CFAP91: variants seen among roughly 807,000 people sequenced by gnomAD.
CFAP91 encodes the protein cilia- and flagella-associated protein 91.
In CFAP91, 85 loss-of-function variants were observed where a neutral mutation model predicts 95.9. The observed-to-expected ratio is 0.89, with a 90% CI of 0.74 to 1.06. The LOEUF (loss-of-function observed/expected upper bound fraction) is 1.06, where lower values mean the gene tolerates loss of function less well. CFAP91 is among the 50% of genes least tolerant of loss of function. The pLI, the probability that CFAP91 is intolerant of heterozygous loss-of-function variation, is 0.00. For missense variants in CFAP91, 962 were observed against 943.4 expected (o/e 1.02, Z -0.26); for synonymous variants, 335 against 327.5 (o/e 1.02, Z -0.25).
intron 5 of CFAP91, 53 bp downstream of exon 5, chr3:119,709,948 C>T: frequency 7.3e-7 from 1 of 1,368,338 alleles, no homozygotes; most frequent in Non-Finnish European, 1.0e-6. Context: ...TGTTTGCTTC[C>T]ATATTTTTTC....
rs550038430 is a variant in CFAP91 at position 119,731,724 on chromosome 3, T to G, written c.1019-570T>G. 2.2e-4 allele frequency among the ~76,000 whole-genome samples: 34 copies of G among 152,268 alleles called. No individual in the cohort carries two copies. In the South Asian group the frequency reaches 5.4e-3, roughly 24 times the overall value. ...CCGCCAAAAGGTCTTGGGTCTGTGA[T>G]GGGATTTGAGAGAAAAGGAGCACAG... On this transcript the variant is annotated intron_variant, in intron 8 of 17. Coordinates refer to ENST00000273390, the MANE Select transcript of CFAP91 (RefSeq NM_033364.4).
chr3:119,746,487 C>T (rs894091971), intron 14 of CFAP91, among the ~76,000 whole-genome samples: 3 of 152,182 alleles, frequency 2.0e-5, no homozygotes, highest in African/African-American at 4.8e-5. Context: ...GCTCCTAGGT[C>T]GTAGGCCTTC....
rs556125660 is a variant in CFAP91 at position 119,738,332 on chromosome 3, C to CTTTTTTTTTTTTTTTTTTTTTTTTTTTTT, written c.1461+856_1461+884dup. 1.3e-3 allele frequency among the ~76,000 whole-genome samples: 30 copies of CTTTTTTTTTTTTTTTTTTTTTTTTTTTTT among 23,074 alleles called. 13 individuals are homozygous for CTTTTTTTTTTTTTTTTTTTTTTTTTTTTT. The highest frequency in any genetic ancestry group is 2.6e-3 in the Admixed American group (3 of 1,176). 15.1% of individuals were successfully genotyped at this position (23,074 alleles called of 152,430 possible). ...TGCAGGGCTTTGGTTGACATATTGT[C>CTTTTTTTTTTTTTTTTTTTTTTTTTTTTT]TTTTTTTTTTTTTTTTTTTTTTTTT... On this transcript the variant is annotated intron_variant, in intron 11 of 17. Coordinates refer to ENST00000273390, the MANE Select transcript of CFAP91 (RefSeq NM_033364.4).
intron 17 of CFAP91, among the ~76,000 whole-genome samples, chr3:119,762,437 T>C (rs1426671096): frequency 6.6e-5 from 10 of 152,078 alleles, no homozygotes; most frequent in Non-Finnish European, 1.2e-4. Context: ...TTCAATGCAA[T>C]CTCTATCAAA....
At chr3:119,704,347 T>C (rs2053319598) in intron 1 of CFAP91, among the ~76,000 whole-genome samples, 2 of 152,216 alleles carry the variant, frequency 1.3e-5, no homozygotes, top group South Asian at 4.1e-4. Flanking sequence ...AATAAAAGTT[T>C]GGATTGTTAT....
Position 119,751,063 on chromosome 3 carries a change from T to C in CFAP91, c.2270T>C (p.Leu757Pro). The C allele has an allele frequency of 6.2e-7, 1 of 1,609,158 alleles. No homozygotes were observed. Among genetic ancestry groups the C allele is most frequent in the Non-Finnish European group, 8.5e-7 (1 of 1,178,456 alleles). ...GAGGCCTCAAATGCTGCCATGTTAC[T>C]TGAGAAAGAAACTCAAAATGAGAAC... Reference protein sequence around the residue: ...QDEASNAAMLLEKETQNENNS With the variant: ...QDEASNAAMLPEKETQNENNS The change falls in exon 17 of 18, where the codon CTT (leucine) becomes CCT (proline). Residue 757 changes from leucine (L) to proline (P), a missense_variant. Coordinates refer to ENST00000273390, the MANE Select transcript of CFAP91 (RefSeq NM_033364.4).
rs774908018 is a variant in CFAP91 at position 119,740,667 on chromosome 3, A to T, written c.1652A>T (p.Gln551Leu). Reference sequence around the variant, plus strand: ...GAGAAGCAAGTGACCCTGGCCTTACAGCGGCAGAGGAACTTGCATGAGCAC... The same window carrying T: ...GAGAAGCAAGTGACCCTGGCCTTACTGCGGCAGAGGAACTTGCATGAGCAC... ...KAEKQVTLAL[Q>L]RQRNLHEHKV... is the part of the protein sequence containing the mutation. Residue 551 changes from glutamine to leucine, a missense_variant, in exon 13 of 18, where the codon CAG becomes CTG. Gln to Leu is a moderately radical substitution (Grantham distance 113). Transcript: ENST00000273390. 1 of 1,614,224 alleles carries T rather than the reference A, an allele frequency of 6.2e-7. No individual in the cohort carries two copies. Among genetic ancestry groups the T allele is most frequent in the Non-Finnish European group, 8.5e-7 (1 of 1,180,020 alleles).
chr3:119,703,551 A>G (rs2053300269), intron 1 of CFAP91, among the ~76,000 whole-genome samples: 1 of 152,236 alleles, frequency 6.6e-6, no homozygotes, highest in Admixed American at 6.5e-5. Flanking sequence ...GTTCCTGCAT[A>G]AAATGCCCTA....
Position 119,738,751 on chromosome 3 carries a change from T to A in CFAP91, c.1462-504T>A, listed in dbSNP as rs555545635. ...AATTCGATTTCCAGACCCTGCTTTT[T>A]CTGCTTTGGACACAGAGTTTTTAAG... is the stretch of plus-strand genomic sequence containing the variant. On this transcript the variant is annotated intron_variant, in intron 11 of 17. Transcript: ENST00000273390. Among the ~76,000 whole-genome samples, 16 of 152,318 alleles carry A rather than the reference T, an allele frequency of 1.1e-4. No individual in the cohort carries two copies. In the East Asian group the frequency reaches 3.1e-3, roughly 29 times the overall value.
intron 17 of CFAP91, among the ~76,000 whole-genome samples, chr3:119,751,619 A>G (rs1220230179): frequency 6.6e-6 from 1 of 152,222 alleles, no homozygotes; most frequent in Non-Finnish European, 1.5e-5. Flanking sequence ...AGAAAAATAT[A>G]AGACAGGAAA....
chr3:119,716,828 G>C (rs1387830095), intron 6 of CFAP91, among the ~76,000 whole-genome samples: 1 of 152,080 alleles, frequency 6.6e-6, no homozygotes, highest in African/African-American at 2.4e-5. Context: ...CTGACCTCGT[G>C]ATCTGCCCAC....
intron 1 of CFAP91, chr3:119,706,054 C>G (rs1370806184): frequency 6.6e-6 from 1 of 152,162 alleles, no homozygotes; most frequent in Non-Finnish European, 1.5e-5. Context: ...ACTAGCTGGT[C>G]AGGGTATTTG....
At position 119,706,875 on chromosome 3, in the gene CFAP91, G is replaced by A. The variant is rs763494215; in HGVS notation, c.191G>A (p.Arg64His). 5 of 1,611,592 alleles carry A rather than the reference G, an allele frequency of 3.1e-6. No homozygotes were observed. The highest frequency in any genetic ancestry group is 2.7e-5 in the African/African-American group (2 of 74,302). ...GCAAATATCCAAGCTACCCTGATTC[G>A]CAGCAGACTGGTATGTCTAATTCAT... is the stretch of plus-strand genomic sequence containing the variant. Reference protein sequence around the residue: ...TQANIQATLIRSRLRKVPRFK... With the variant: ...TQANIQATLIHSRLRKVPRFK... The change falls in exon 2 of 18, where the codon CGC becomes CAC. Residue 64 changes from arginine (R) to histidine (H), a missense_variant. Arg to His is a conservative substitution (Grantham distance 29, BLOSUM62 0). Transcript: ENST00000273390.
At chr3:119,705,680 C>T (rs1306268584) in intron 1 of CFAP91, among the ~76,000 whole-genome samples, 1 of 152,204 alleles carries the variant, frequency 6.6e-6, no homozygotes, top group African/African-American at 2.4e-5. Flanking sequence ...TTAAAAATAA[C>T]AACCCTCAAA....
In CFAP91 at chr3:119,703,181, G is replaced by A. The variant is rs1215733775; in HGVS notation, c.83G>A (p.Gly28Glu). The A allele has an allele frequency of 1.2e-6, 2 of 1,610,270 alleles. No homozygotes were observed. The highest frequency in any genetic ancestry group is 1.7e-4 in the Middle Eastern group (1 of 6,026). The change falls in exon 1 of 18, where the codon GGG (glycine) becomes GAG (glutamate). Residue 28 changes from glycine to glutamate, a missense_variant. By Grantham distance (98) the Gly-to-Glu change is moderately conservative (BLOSUM62 -2). Coordinates refer to ENST00000273390, the MANE Select transcript of CFAP91 (RefSeq NM_033364.4). Reference sequence around the variant, plus strand: ...CGGTACCGGGAGAGGTCGCGGGCTGGGAGCCACATCTCCTCCAATCGAGCG... The same window carrying A: ...CGGTACCGGGAGAGGTCGCGGGCTGAGAGCCACATCTCCTCCAATCGAGCG... ...QTRYRERSRA[G>E]SHISSNRAYD...
chr3:119,726,163 T>C lies in CFAP91; in HGVS notation c.683-8T>C. 1 of 1,603,826 alleles carries C rather than the reference T, an allele frequency of 6.2e-7. No homozygotes were observed. Among genetic ancestry groups the C allele is most frequent in the Non-Finnish European group, 8.5e-7 (1 of 1,175,878 alleles). ...CTTGTTCCTAAGCTGTGCTGCTTTA[T>C]CCTGCAGGTCGGGGTCTCCCAGCAG... On this transcript the variant is annotated splice_region_variant and splice_polypyrimidine_tract_variant and intron_variant, in intron 6 of 17. Transcript: ENST00000273390.
At position 119,730,600 on chromosome 3, in the gene CFAP91, TAGTGTGTGTG is replaced by T. The variant is rs1279087170; in HGVS notation, c.1018+224_1018+233del. Among the ~76,000 whole-genome samples, 98 of 95,462 alleles carry T rather than the reference TAGTGTGTGTG, an allele frequency of 1.0e-3. 1 individual carries two copies. The highest frequency in any genetic ancestry group is 3.5e-3 in the African/African-American group (91 of 25,984). The allele number at this position is 95,462 out of a possible 152,430, so 62.6% of individuals were successfully genotyped here. ...CTAACAGGTAGTCGAGTTACTGAGA[TAGTGTGTGTG>T]TGTGTGTGTGTGTGTGTGTGTGTGT... On this transcript the variant is annotated intron_variant, in intron 8 of 17. Coordinates refer to ENST00000273390, the MANE Select transcript of CFAP91 (RefSeq NM_033364.4).
Position 119,706,853 on chromosome 3 carries a change from A to T in CFAP91, c.169A>T (p.Asn57Tyr), listed in dbSNP as rs1353973252. ...AAGTGAGAAAGACCATACACAGGCA[A>T]ATATCCAAGCTACCCTGATTCGCAG... Reference protein sequence around the residue: ...VSSEKDHTQANIQATLIRSRL... With the variant: ...VSSEKDHTQAYIQATLIRSRL... Residue 57 changes from asparagine (N) to tyrosine (Y), a missense_variant, in exon 2 of 18, where the codon AAT becomes TAT. Coordinates refer to ENST00000273390, the MANE Select transcript of CFAP91 (RefSeq NM_033364.4). The T allele has an allele frequency of 1.2e-6, 2 of 1,613,290 alleles. No homozygotes were observed. Among genetic ancestry groups the T allele is most frequent in the Non-Finnish European group, 1.7e-6 (2 of 1,179,850 alleles).
chr3:119,705,138 T>C (rs2053333914), intron 1 of CFAP91, among the ~76,000 whole-genome samples: 1 of 152,228 alleles, frequency 6.6e-6, no homozygotes, highest in Non-Finnish European at 1.5e-5. Context: ...TCTCTTACTA[T>C]GATAGGGACT....
Sources: gnomAD v4.1 joint callset for allele counts (sites outside exome capture counted in the v4.1 genomes callset) on GRCh38, gnomAD v4.1.1 for gene constraint, MANE v1.5 for transcripts, NCBI Gene and HGNC (gene_info 2026-07-23, HGNC 2026-07-21) for gene names.